Variants in CLIC4 observed in about 807,000 individuals in gnomAD.
CLIC4 encodes the protein CLIC family member 4.
A neutral mutation model predicts 24.6 loss-of-function variants in CLIC4; 13 were observed. The ratio of observed to expected loss-of-function variants is 0.53; its 90% confidence interval spans 0.34 to 0.84. CLIC4 has a LOEUF of 0.84. Ranked by LOEUF, CLIC4 falls within the 40% of genes least tolerant of loss-of-function variation. The probability of loss-of-function intolerance (pLI) is 0.01; values close to 1 mark genes in which losing one functional copy is unlikely to be tolerated. For missense variants in CLIC4, 227 were observed against 301.7 expected (o/e 0.75, Z 1.83); for synonymous variants, 104 against 111.3 (o/e 0.93, Z 0.41).
intron 2 of CLIC4, among the ~76,000 whole-genome samples, chr1:24,800,342 GT>G (rs1280252120): frequency 7.8e-6 from 1 of 128,608 alleles, no homozygotes; most frequent in Non-Finnish European, 1.7e-5. Context: ...CGGGAGGGAG[GT>G]GGGGGGGTCA....
At chr1:24,820,069 A>G (rs12730267) in intron 3 of CLIC4, among the ~76,000 whole-genome samples, 6,745 of 33,040 alleles carry the variant, frequency 0.2, 1,029 homozygotes, top group East Asian at 0.29. Flanking sequence ...AAAAGTATGT[A>G]TATATATATG....
At chr1:24,766,798 G>A (rs375288721) in intron 1 of CLIC4, among the ~76,000 whole-genome samples, 7 of 151,574 alleles carry the variant, frequency 4.6e-5, no homozygotes, top group African/African-American at 1.2e-4. Flanking sequence ...GAGCCACCAC[G>A]CCTAGCCAGT....
At chr1:24,772,230 A>C (rs1345284194) in intron 1 of CLIC4, among the ~76,000 whole-genome samples, 3 of 152,174 alleles carry the variant, frequency 2.0e-5, no homozygotes, top group African/African-American at 7.2e-5. Flanking sequence ...AAAATAAAGC[A>C]GACACAGAAC....
chr1:24,807,011 T>G (rs1045202317), intron 2 of CLIC4, among the ~76,000 whole-genome samples: 1 of 152,102 alleles, frequency 6.6e-6, no homozygotes, highest in Non-Finnish European at 1.5e-5. Flanking sequence ...ATATTTTTAT[T>G]TGGGAGCCGG....
chr1:24,838,166 C>T (rs1461625100), intron 4 of CLIC4, among the ~76,000 whole-genome samples: 2 of 152,092 alleles, frequency 1.3e-5, no homozygotes. Flanking sequence ...AGTTTGTTGA[C>T]CAGCTTCTCT....
chr1:24,839,809 T>G (rs768304046), intron 4 of CLIC4, 51 bp from the exon 5 acceptor site: 1 of 1,496,622 alleles, frequency 6.7e-7, no homozygotes, highest in South Asian at 1.2e-5. Flanking sequence ...CTTGGGGACT[T>G]GAGTGGTTTT....
chr1:24,772,674 C>T (rs1017444347), intron 1 of CLIC4, among the ~76,000 whole-genome samples: 10 of 152,218 alleles, frequency 6.6e-5, no homozygotes, highest in Admixed American at 1.3e-4. Flanking sequence ...TTAGTAGAGA[C>T]GGGGTTTCAC....
intron 2 of CLIC4, among the ~76,000 whole-genome samples, chr1:24,811,927 A>G (rs562489692): frequency 6.6e-6 from 1 of 152,302 alleles, no homozygotes; most frequent in Non-Finnish European, 1.5e-5. Flanking sequence ...CTTTTTTAAC[A>G]AGATAGTACA....
intron 2 of CLIC4, among the ~76,000 whole-genome samples, chr1:24,810,353 C>A (rs1396211914): frequency 6.6e-6 from 1 of 152,110 alleles, no homozygotes; most frequent in Non-Finnish European, 1.5e-5. Context: ...GTAAAAATAC[C>A]ATTCAGCTGA....
Position 24,821,507 on chromosome 1 carries a change from G to A in CLIC4, c.309-5503G>A, listed in dbSNP as rs552526906. On this transcript the variant is annotated intron_variant, in intron 3 of 5. Transcript: ENST00000374379. ...TTCATAGTGTGCCAAATCCCCTGTA[G>A]GGGTAAAAATTTTTACTTCTTCTTT... Among the ~76,000 whole-genome samples the A allele has an allele frequency of 3.9e-5, 6 of 152,072 alleles. No homozygotes were observed. The South Asian group carries it at 1.0e-3, about 26-fold the overall frequency.
chr1:24,755,935 C>T (rs1236723061), intron 1 of CLIC4, among the ~76,000 whole-genome samples: 2 of 151,318 alleles, frequency 1.3e-5, no homozygotes, highest in Non-Finnish European at 2.9e-5. Context: ...GATTCTCCTG[C>T]CTCAACCTCC....
At chr1:24,791,991 A>C (rs1639344942) in intron 1 of CLIC4, among the ~76,000 whole-genome samples, 1 of 150,600 alleles carries the variant, frequency 6.6e-6, no homozygotes, top group Admixed American at 6.7e-5. Flanking sequence ...AGAGGTTGCA[A>C]TGAGCCGAGA....
At chr1:24,789,020 T>G (rs1036828018) in intron 1 of CLIC4, among the ~76,000 whole-genome samples, 2 of 152,204 alleles carry the variant, frequency 1.3e-5, no homozygotes, top group African/African-American at 4.8e-5. Context: ...GTCTATAAAT[T>G]TAACCAATCT....
chr1:24,812,942 C>G (rs1010332306), intron 2 of CLIC4, among the ~76,000 whole-genome samples: 2 of 151,946 alleles, frequency 1.3e-5, no homozygotes, highest in Non-Finnish European at 2.9e-5. Context: ...GGGTCTCAAT[C>G]TCTTGACCTC....
chr1:24,758,856 TATA>T (rs1362951201), intron 1 of CLIC4, among the ~76,000 whole-genome samples: 3 of 152,082 alleles, frequency 2.0e-5, no homozygotes, highest in African/African-American at 4.8e-5. Context: ...AGAATTTATA[TATA>T]ATATTTTAAT....
intron 1 of CLIC4, among the ~76,000 whole-genome samples, chr1:24,766,590 G>A (rs1172126099): frequency 4.3e-5 from 6 of 140,834 alleles, no homozygotes; most frequent in African/African-American, 1.3e-4. Flanking sequence ...TGCAACCTCC[G>A]TCTCCTGGGC....
chr1:24,751,796 G>A (rs969362033), intron 1 of CLIC4, among the ~76,000 whole-genome samples: 2 of 152,202 alleles, frequency 1.3e-5, no homozygotes, highest in South Asian at 2.1e-4. Flanking sequence ...CCCGGGAAGC[G>A]GAGATTGCAG....
At chr1:24,785,262 G>T (rs1435327529) in intron 1 of CLIC4, among the ~76,000 whole-genome samples, 2 of 152,020 alleles carry the variant, frequency 1.3e-5, no homozygotes, top group Admixed American at 1.3e-4. Flanking sequence ...TGAGTTCTTT[G>T]CATGGAACGT....
chr1:24,753,730 C>T lies in CLIC4; in HGVS notation c.72+8105C>T, dbSNP rs145945195. On this transcript the variant is annotated intron_variant, in intron 1 of 5. Coordinates refer to ENST00000374379, the MANE Select transcript of CLIC4 (RefSeq NM_013943.3). ...CATTTTCCTAACTTTTTTCATTCTC[C>T]CCACACTTTCCTGTGTTTTTGGATT... Among the ~76,000 whole-genome samples the T allele has an allele frequency of 3.2e-4, 48 of 152,094 alleles. No individual in the cohort carries two copies. The East Asian group carries it at 9.1e-3, about 29-fold the overall frequency.
Sources: gnomAD v4.1 joint callset for allele counts (sites outside exome capture counted in the v4.1 genomes callset) on GRCh38, gnomAD v4.1.1 for gene constraint, MANE v1.5 for transcripts, NCBI Gene and HGNC (gene_info 2026-07-23, HGNC 2026-07-21) for gene names.